USP7: variants seen among roughly 807,000 people sequenced by gnomAD.
USP7 encodes ubiquitin specific peptidase 7.
Under a neutral mutation model 162.9 loss-of-function variants are expected in USP7, and 9 were observed. That is an observed-to-expected ratio of 0.06 (90% CI 0.03 to 0.10). The LOEUF is 0.10. Ranked by LOEUF, USP7 falls within the 10% of genes least tolerant of loss-of-function variation. USP7 has a pLI of 1.00. For missense variants in USP7, 715 were observed against 1,373.7 expected (o/e 0.52, Z 7.58); for synonymous variants, 562 against 475.9 (o/e 1.18, Z -2.35).
At position 8,963,222 on chromosome 16, in the gene USP7, C is replaced by G; in HGVS notation, c.64G>C (p.Asp22His). The stretch of plus-strand genomic sequence containing the variant: ...CGGGCCTCACCTTCCATCTCCATGT[C>G]CTCGGGCTCGCTCAACTGCTGCTCG... ...AGEQQLSEPE[D>H]MEMEAGDTDD... is the part of the protein sequence containing the mutation. Residue 22 changes from aspartate to histidine, a missense_variant, in exon 1 of 31, where the codon GAC (aspartate) becomes CAC (histidine). By Grantham distance (81) the Asp-to-His change is moderately conservative (BLOSUM62 -1). This residue lies in a region of USP7 where 137 missense variants were observed against 123.5 expected (regional missense o/e 1.11). Transcript: ENST00000344836. 7.1e-7 allele frequency: 1 copy of G among 1,412,780 alleles called. No homozygotes were observed. Among genetic ancestry groups the G allele is most frequent in the Non-Finnish European group, 9.3e-7 (1 of 1,073,896 alleles). The allele number at this position is 1,412,780 out of a possible 1,614,324, so 87.5% of individuals were successfully genotyped here. A position where few individuals can be genotyped will look rare whatever the true frequency, so the allele number is the denominator to read the frequency against.
In USP7 at chr16:8,903,390, C is replaced by T; in HGVS notation, c.1717G>A (p.Asp573Asn). 6.2e-7 allele frequency: 1 copy of T among 1,613,826 alleles called. No individual in the cohort carries two copies. The highest frequency in any genetic ancestry group is 8.5e-7 in the Non-Finnish European group (1 of 1,179,806). ...TTCCCTTGGTGGCCACAAAACTGGT[C>T]CTCTGCGACTATCTGAAAATATGTA... ...LYMQVQIVAE[D>N]QFCGHQGNDM... is the part of the protein sequence containing the mutation. Residue 573 changes from aspartate (D) to asparagine (N), a missense_variant, in exon 16 of 31, where the codon GAC becomes AAC. This residue lies in a region of USP7 where 197 missense variants were observed against 306.5 expected (regional missense o/e 0.64). Coordinates refer to ENST00000344836, the MANE Select transcript of USP7 (RefSeq NM_003470.3).
intron 30 of USP7, 91 bp downstream of exon 30, chr16:8,894,459 A>C (rs2061650755): frequency 3.8e-6 from 5 of 1,322,380 alleles, no homozygotes; most frequent in Non-Finnish European, 5.2e-6. Context: ...AGGAGCTGGC[A>C]CTTGACCCTG....
intron 26 of USP7, 85 bp from the exon 27 acceptor site, chr16:8,895,826 G>C: frequency 1.2e-6 from 1 of 869,502 alleles, no homozygotes. Flanking sequence ...AAGAAATAAA[G>C]TTACCACGAT....
intron 21 of USP7, 143 bp from the exon 22 acceptor site, chr16:8,899,900 G>C: frequency 1.0e-6 from 1 of 978,066 alleles, no homozygotes; most frequent in Non-Finnish European, 1.6e-6. Context: ...AGGGGGCCAG[G>C]CATCTGCCTG....
chr16:8,911,856 G>A (rs577222685), intron 10 of USP7, among the ~76,000 whole-genome samples: 1 of 152,216 alleles, frequency 6.6e-6, no homozygotes, highest in Non-Finnish European at 1.5e-5. Context: ...GCAAGAGGAT[G>A]AGGATTGGGG....
rs898184491 is a variant in USP7, at chr16:8,893,928, G to A, written c.*70C>T. ...TGAAGACTTCGGCTAGAGGGCACGT[G>A]CACCAAAGTTCTAGGCTGTTAAGGG... On this transcript the variant is annotated 3_prime_UTR_variant, in exon 31 of 31. Transcript: ENST00000344836. The A allele has an allele frequency of 5.1e-6, 7 of 1,370,796 alleles. No individual in the cohort carries two copies. Among genetic ancestry groups the A allele is most frequent in the African/African-American group, 1.4e-5 (1 of 69,958 alleles). 84.9% of individuals were successfully genotyped at this position (1,370,796 alleles called of 1,614,324 possible).
In USP7 at chr16:8,895,105, G is replaced by C; in HGVS notation, c.2965C>G (p.Leu989Val). ...QVDIDKENEM[L>V]VTVAHFHKEV... is the part of the protein sequence containing the mutation. ...TTGTGGAAATGCGCCACTGTGACAA[G>C]CATCTCATTCTCTTTGTCTATGTCC... The change falls in exon 28 of 31, where the codon CTT (leucine) becomes GTT (valine). Residue 989 changes from leucine to valine, a missense_variant. This residue lies in a region of USP7 where 222 missense variants were observed against 441.7 expected (regional missense o/e 0.50). Coordinates refer to ENST00000344836, the MANE Select transcript of USP7 (RefSeq NM_003470.3). The C allele has an allele frequency of 6.2e-7, 1 of 1,614,244 alleles. No individual in the cohort carries two copies. The highest frequency in any genetic ancestry group is 1.1e-5 in the South Asian group (1 of 91,090).
At chr16:8,921,351 T>C in intron 3 of USP7, 56 bp from the exon 4 acceptor site, 2 of 1,583,958 alleles carry the variant, frequency 1.3e-6, no homozygotes, top group Admixed American at 1.7e-5. Context: ...ATGTTATACA[T>C]TTTTAAAGAC....
In USP7 at chr16:8,899,746, T is replaced by A; in HGVS notation, c.2321A>T (p.Glu774Val). 6.2e-7 allele frequency: 1 copy of A among 1,614,250 alleles called. No homozygotes were observed. The highest frequency in any genetic ancestry group is 8.5e-7 in the Non-Finnish European group (1 of 1,180,042). ...DIIVFQKDDP[E>V]NDNSELPTAK... ...GGTGGGTAATTCACTGTTATCATTT[T>A]CAGGGTCATCCCTGGTGGAGGGAGA... Residue 774 changes from glutamate (E) to valine (V), a missense_variant, in exon 22 of 31, where the codon GAA becomes GTA. Physicochemically the swap from Glu to Val is moderately radical, Grantham distance 121. This residue lies in a region of USP7 where 222 missense variants were observed against 441.7 expected (regional missense o/e 0.50). Transcript: ENST00000344836.
chr16:8,926,158 A>T (rs1897977598), intron 2 of USP7, among the ~76,000 whole-genome samples: 1 of 150,766 alleles, frequency 6.6e-6, no homozygotes, highest in African/African-American at 2.4e-5. Context: ...CGTCTCAAAA[A>T]AAAAAAAAAA....
At chr16:8,918,983 A>C in intron 6 of USP7, 48 bp downstream of exon 6, 1 of 1,593,540 alleles carries the variant, frequency 6.3e-7, no homozygotes, top group South Asian at 1.1e-5. Context: ...TATACCTGAG[A>C]AGAAAGGGTG....
chr16:8,917,647 G>A (rs1897447918), intron 6 of USP7, among the ~76,000 whole-genome samples: 1 of 152,180 alleles, frequency 6.6e-6, no homozygotes, highest in Admixed American at 6.5e-5. Context: ...CCAAAGTGCT[G>A]GGATTATAGG....
chr16:8,959,782 A>G (rs2141269587), intron 1 of USP7, among the ~76,000 whole-genome samples: 1 of 152,332 alleles, frequency 6.6e-6, no homozygotes, highest in African/African-American at 2.4e-5. Context: ...GCAGAAAAGT[A>G]ACTGCACAAG....
rs2061782253 is a variant in USP7, at chr16:8,901,997, G to A, written c.2047+85C>T. On this transcript the variant is annotated intron_variant, in intron 18 of 30. Transcript: ENST00000344836. ...AACACATCTTTCTGCAAGGGAAGAA[G>A]GCTTAACCCTGTGTGTTTAGAACAA... The A allele has an allele frequency of 1.9e-5, 21 of 1,133,294 alleles. No individual in the cohort carries two copies. In the South Asian group the frequency reaches 2.5e-4, roughly 13 times the overall value. 70.2% of individuals were successfully genotyped at this position (1,133,294 alleles called of 1,614,324 possible). A position where few individuals can be genotyped will look rare whatever the true frequency, so the allele number is the denominator to read the frequency against.
chr16:8,902,627 C>A (rs1249243885), intron 16 of USP7, 145 bp from the exon 17 acceptor site: 5 of 714,638 alleles, frequency 7.0e-6, no homozygotes, highest in Non-Finnish European at 1.1e-5. Context: ...CTGTGGCTCT[C>A]GCCTGTAATC....
intron 2 of USP7, among the ~76,000 whole-genome samples, chr16:8,924,348 G>T (rs765565739): frequency 2.3e-4 from 35 of 152,226 alleles, no homozygotes; most frequent in Non-Finnish European, 4.3e-4. Flanking sequence ...AAGTCAACAT[G>T]CTACACAAGC....
At chr16:8,927,499 GAAC>G (rs1404877985) in intron 2 of USP7, among the ~76,000 whole-genome samples, 2 of 152,078 alleles carry the variant, frequency 1.3e-5, no homozygotes, top group African/African-American at 4.8e-5. Flanking sequence ...GTTTCATGGA[GAAC>G]AACATTCTAA....
At chr16:8,940,282 A>T (rs530522935) in intron 1 of USP7, among the ~76,000 whole-genome samples, 19 of 152,306 alleles carry the variant, frequency 1.2e-4, no homozygotes, top group African/African-American at 3.6e-4. Context: ...GCAAGTAGCT[A>T]ACCATGCTTT....
chr16:8,942,731 T>A (rs371291579), intron 1 of USP7, among the ~76,000 whole-genome samples: 7 of 152,168 alleles, frequency 4.6e-5, no homozygotes, highest in African/African-American at 1.7e-4. Context: ...TATTTTTTTG[T>A]AGAGACTGGG....
Sources: gnomAD v4.1 joint callset for allele counts (sites outside exome capture counted in the v4.1 genomes callset) on GRCh38, gnomAD v4.1.1 for gene constraint, gnomAD v4.1.1 regional missense constraint, MANE v1.5 for transcripts, NCBI Gene and HGNC (gene_info 2026-07-23, HGNC 2026-07-21) for gene names.